SEMA3A: variants seen among roughly 807,000 people sequenced by gnomAD.
SEMA3A encodes semaphorin 3A, also known as semaphorin-3A.
SEMA3A carries 29 observed loss-of-function variants against 97.9 expected under a neutral mutation model. The ratio of observed to expected loss-of-function variants is 0.30; its 90% CI spans 0.22 to 0.40. The LOEUF is 0.40. Among genes scored for constraint, SEMA3A ranks in the 10% least tolerant of loss-of-function variants. The pLI, the probability that SEMA3A is intolerant of heterozygous loss-of-function variation, is 1.00. For missense variants in SEMA3A, 763 were observed against 951.3 expected (o/e 0.80, Z 2.60); for synonymous variants, 321 against 323.7 (o/e 0.99, Z 0.09).
At chr7:84,016,477 G>A (rs924993310) in intron 6 of SEMA3A, among the ~76,000 whole-genome samples, 1 of 151,248 alleles carries the variant, frequency 6.6e-6, no homozygotes. Context: ...GGCGGAGCTT[G>A]CAGTGAGCCG....
Position 84,194,568 on chromosome 7 carries a change from T to C in SEMA3A, c.19A>G (p.Ile7Val). ...AATACTCCCCAGAAAAGACAGACAA[T>C]CCTAGTTAACCAGCCCATGCTGCAG... is the stretch of plus-strand genomic sequence containing the variant. MGWLTR[I>V]VCLFWGVLLT... The change falls in exon 1 of 17, where the codon ATT (isoleucine) becomes GTT (valine). Residue 7 changes from isoleucine to valine, a missense_variant. Ile to Val is a conservative substitution (Grantham distance 29). Around this residue, in one of 2 missense-constraint regions of SEMA3A, gnomAD observed 85 missense variants for 70.0 expected, o/e 1.21. Coordinates refer to ENST00000265362, the MANE Select transcript of SEMA3A (RefSeq NM_006080.3). 6.2e-7 allele frequency: 1 copy of C among 1,611,972 alleles called. No individual in the cohort carries two copies. The highest frequency in any genetic ancestry group is 1.1e-5 in the South Asian group (1 of 91,018).
At chr7:84,071,992 C>T (rs770155336) in intron 4 of SEMA3A, among the ~76,000 whole-genome samples, 6 of 151,838 alleles carry the variant, frequency 4.0e-5, no homozygotes, top group Non-Finnish European at 8.8e-5. Context: ...GATGTGAACA[C>T]AATTGTGTAG....
intron 6 of SEMA3A, among the ~76,000 whole-genome samples, chr7:84,038,858 A>G (rs181178958): frequency 8.5e-5 from 13 of 152,300 alleles, no homozygotes; most frequent in Non-Finnish European, 1.8e-4. Flanking sequence ...TATTGTTTAT[A>G]ATTTCATTGT....
chr7:84,330,681 G>T (rs1192134696), intron 2 of SEMA3A, among the ~76,000 whole-genome samples: 2 of 151,900 alleles, frequency 1.3e-5, no homozygotes. Context: ...ATGGGATATG[G>T]TAGTTGTTTT....
At chr7:84,405,192 G>T (rs930285326) in intron 1 of SEMA3A, among the ~76,000 whole-genome samples, 3 of 152,062 alleles carry the variant, frequency 2.0e-5, no homozygotes, top group Non-Finnish European at 2.9e-5. Context: ...AAAAAGGGAT[G>T]GAGGAAGATC....
chr7:84,125,666 G>A (rs1003853596), intron 3 of SEMA3A, among the ~76,000 whole-genome samples: 20 of 152,130 alleles, frequency 1.3e-4, no homozygotes, highest in African/African-American at 3.1e-4. Context: ...TGGGCTAACC[G>A]CAAGAATCCC....
At chr7:84,142,047 A>G (rs1207735841) in intron 1 of SEMA3A, among the ~76,000 whole-genome samples, 1 of 152,190 alleles carries the variant, frequency 6.6e-6, no homozygotes, top group Non-Finnish European at 1.5e-5. Flanking sequence ...GAGAGACACT[A>G]TATTTTTCCT....
chr7:84,046,090 A>G (rs1202016522), intron 6 of SEMA3A, among the ~76,000 whole-genome samples: 1 of 151,834 alleles, frequency 6.6e-6, no homozygotes, highest in African/African-American at 2.4e-5. Context: ...CTTTCTTTCC[A>G]TAGCTAACTA....
intron 1 of SEMA3A, among the ~76,000 whole-genome samples, chr7:84,135,315 T>A (rs1796093193): frequency 6.6e-6 from 1 of 152,034 alleles, no homozygotes; most frequent in African/African-American, 2.4e-5. Flanking sequence ...TTCTCCATGT[T>A]GGTCAGGCTG....
At chr7:84,249,122 C>T (rs1279026168) in intron 3 of SEMA3A, among the ~76,000 whole-genome samples, 2 of 152,168 alleles carry the variant, frequency 1.3e-5, no homozygotes, top group Non-Finnish European at 2.9e-5. Context: ...TCCTCTGGCT[C>T]CTCAAGTGAG....
intron 12 of SEMA3A, 150 bp downstream of exon 12, chr7:84,001,805 T>C (rs1790465185): frequency 6.9e-6 from 3 of 436,464 alleles, no homozygotes; most frequent in Non-Finnish European, 1.2e-5. Context: ...TCAAGGTTTA[T>C]TTTGACTAGT....
intron 2 of SEMA3A, among the ~76,000 whole-genome samples, chr7:84,323,169 A>C (rs1323203230): frequency 2.0e-5 from 3 of 152,232 alleles, no homozygotes; most frequent in Non-Finnish European, 4.4e-5. Flanking sequence ...TGCTTTCTTT[A>C]ACGTTCTCTG....
At chr7:84,433,925 G>GT (rs907549281) in intron 1 of SEMA3A, among the ~76,000 whole-genome samples, 46 of 151,622 alleles carry the variant, frequency 3.0e-4, no homozygotes, top group African/African-American at 7.7e-4. Flanking sequence ...ATGGGTTTGT[G>GT]TTTTTTTTGT....
At chr7:83,983,079 T>G (rs2116323415) in intron 13 of SEMA3A, among the ~76,000 whole-genome samples, 1 of 152,194 alleles carries the variant, frequency 6.6e-6, no homozygotes, top group South Asian at 2.1e-4. Flanking sequence ...TATTCAACTT[T>G]TATTATAGTA....
At chr7:84,321,457 C>T (rs1801641433) in intron 2 of SEMA3A, among the ~76,000 whole-genome samples, 1 of 152,156 alleles carries the variant, frequency 6.6e-6, no homozygotes, top group Non-Finnish European at 1.5e-5. Context: ...GTAAAATACA[C>T]ATGATCTAAG....
At chr7:84,155,251 GA>G (rs1252715451) in intron 1 of SEMA3A, among the ~76,000 whole-genome samples, 1 of 151,996 alleles carries the variant, frequency 6.6e-6, no homozygotes, top group Non-Finnish European at 1.5e-5. Flanking sequence ...GCATATCCAG[GA>G]CCACATAAAA....
intron 2 of SEMA3A, among the ~76,000 whole-genome samples, chr7:84,346,204 G>C (rs1297469664): frequency 2.0e-5 from 3 of 152,166 alleles, no homozygotes; most frequent in African/African-American, 7.2e-5. Context: ...AAGAGAGTTA[G>C]GGCCTTGCTC....
At chr7:84,394,441 G>C (rs1427955908) in intron 1 of SEMA3A, among the ~76,000 whole-genome samples, 2 of 152,046 alleles carry the variant, frequency 1.3e-5, no homozygotes, top group Non-Finnish European at 2.9e-5. Flanking sequence ...TTGTTTGCTA[G>C]TCTTTAAAGA....
chr7:84,406,796 A>G (rs1410728532), intron 1 of SEMA3A, among the ~76,000 whole-genome samples: 2 of 152,238 alleles, frequency 1.3e-5, no homozygotes, highest in African/African-American at 4.8e-5. Flanking sequence ...ACCAAAGACA[A>G]AAACCACATG....
Sources: allele counts gnomAD v4.1 joint callset (sites outside exome capture counted in the v4.1 genomes callset), GRCh38; gene constraint gnomAD v4.1.1; regional missense constraint gnomAD v4.1.1; transcripts MANE v1.5; gene names NCBI Gene and HGNC (gene_info 2026-07-23, HGNC 2026-07-21).